NGFR: variants seen among roughly 807,000 people sequenced by gnomAD.
NGFR encodes the protein tumor necrosis factor receptor superfamily member 16.
NGFR carries 30 observed loss-of-function variants against 43.2 expected under a neutral mutation model. The observed-to-expected ratio is 0.69, with a 90% confidence interval of 0.52 to 0.94. The LOEUF is 0.94. Among genes scored for constraint, NGFR ranks in the 40% least tolerant of loss-of-function variants. The probability of loss-of-function intolerance (pLI) is 0.00; values close to 1 mark genes in which losing one functional copy is unlikely to be tolerated. For synonymous variants in NGFR, 246 were observed against 259.6 expected (o/e 0.95, Z 0.50); for missense variants, 529 against 602.5 (o/e 0.88, Z 1.28).
intron 2 of NGFR, among the ~76,000 whole-genome samples, chr17:49,504,872 A>G (rs561432905): frequency 1.3e-4 from 20 of 149,514 alleles, no homozygotes; most frequent in African/African-American, 4.9e-4. Flanking sequence ...CCCATGCTCA[A>G]GCAATCCTCC....
Position 49,495,500 on chromosome 17 carries a change from G to A in NGFR, c.66+17G>A. ...CTTCTGGGGGTGAGTGTTAGCCGGAGGGGGCCCGCTCCCTTTCCCGGGATC... is the reference window on the plus strand; with the variant it reads ...CTTCTGGGGGTGAGTGTTAGCCGGAAGGGGCCCGCTCCCTTTCCCGGGATC... On this transcript the variant is annotated intron_variant, in intron 1 of 5. Transcript: ENST00000172229. This position sits in a 1 kb window ranked among gnomAD's most constrained non-coding sequence, Gnocchi z 6.4. The A allele has an allele frequency of 1.6e-6, 2 of 1,234,580 alleles. No homozygotes were observed. The highest frequency in any genetic ancestry group is 2.0e-6 in the Non-Finnish European group (2 of 987,296). The allele number at this position is 1,234,580 out of a possible 1,614,324, so 76.5% of individuals were successfully genotyped here.
intron 3 of NGFR, 36 bp downstream of exon 3, chr17:49,506,694 G>GCCCC: frequency 1.1e-6 from 1 of 913,228 alleles, no homozygotes; most frequent in Non-Finnish European, 1.5e-6. Context: ...GAGTGGGGGT[G>GCCCC]CGGGGGTGGG....
intron 2 of NGFR, among the ~76,000 whole-genome samples, chr17:49,504,615 G>A (rs2071185237): frequency 6.6e-6 from 1 of 152,106 alleles, no homozygotes; most frequent in South Asian, 2.1e-4. Flanking sequence ...CAGCTTATAA[G>A]CGATGGAAAT....
Position 49,512,624 on chromosome 17 carries a change from C to T in NGFR, c.983-84C>T, listed in dbSNP as rs564888625. 3.0e-4 allele frequency: 441 copies of T among 1,476,356 alleles called. 5 individuals carry two copies. The South Asian group carries it at 5.6e-3, about 19-fold the overall frequency. The allele number at this position is 1,476,356 out of a possible 1,614,324, so 91.5% of individuals were successfully genotyped here. On this transcript the variant is annotated intron_variant, in intron 5 of 5. Transcript: ENST00000172229. The surrounding 1 kb of genome is among the most constrained non-coding windows in gnomAD (Gnocchi z 5.2). The stretch of plus-strand genomic sequence containing the variant: ...CAGATGGGGAGGAGCACTGCCTCGG[C>T]CCTTCTTGGGTCTCACCCCAGTGCC...
In NGFR at chr17:49,495,325, G is replaced by T. The variant is rs974336615; in HGVS notation, c.-93G>T. On this transcript the variant is annotated 5_prime_UTR_variant, in exon 1 of 6. Transcript: ENST00000172229. This position sits in a 1 kb window ranked among gnomAD's most constrained non-coding sequence, Gnocchi z 6.4. ...GCCGAGCCGCGGCCAGCTCCGGCGG[G>T]CAGGGGGGGCGCTGGAGCGCAGCGC... 1.2e-5 allele frequency: 13 copies of T among 1,044,436 alleles called. No homozygotes were observed. The highest frequency in any genetic ancestry group is 1.5e-5 in the Non-Finnish European group (12 of 818,490). 64.7% of individuals were successfully genotyped at this position (1,044,436 alleles called of 1,614,324 possible).
chr17:49,500,371 A>G (rs909198162), intron 1 of NGFR, among the ~76,000 whole-genome samples: 2 of 152,176 alleles, frequency 1.3e-5, no homozygotes, highest in Admixed American at 1.3e-4. Context: ...GCGTGTATGC[A>G]TTGTGTCCCT....
At position 49,513,125 on chromosome 17, in the gene NGFR, C is replaced by T. The variant is rs2071246397; in HGVS notation, c.*116C>T. ...GGGGCCCGCCTGGCAGAACTGAGCTCCTCTGGGCAGGACCTCAGAGTCCAG... is the reference window on the plus strand; with the variant it reads ...GGGGCCCGCCTGGCAGAACTGAGCTTCTCTGGGCAGGACCTCAGAGTCCAG... On this transcript the variant is annotated 3_prime_UTR_variant, in exon 6 of 6. Coordinates refer to ENST00000172229, the MANE Select transcript of NGFR (RefSeq NM_002507.4). 4.3e-6 allele frequency: 5 copies of T among 1,174,266 alleles called. No homozygotes were observed. The highest frequency in any genetic ancestry group is 5.8e-6 in the Non-Finnish European group (5 of 861,696). 72.7% of individuals were successfully genotyped at this position (1,174,266 alleles called of 1,614,324 possible). A position where few individuals can be genotyped will look rare whatever the true frequency, so the allele number is the denominator to read the frequency against.
intron 2 of NGFR, among the ~76,000 whole-genome samples, chr17:49,505,496 A>C (rs2071191328): frequency 6.6e-6 from 1 of 152,254 alleles, no homozygotes; most frequent in Non-Finnish European, 1.5e-5. Context: ...TCCAGTAATT[A>C]AGAAAACATG....
chr17:49,511,133 ATCAT>A (rs2071229807), intron 4 of NGFR: 6 of 153,074 alleles, frequency 3.9e-5, no homozygotes, highest in Admixed American at 3.2e-4. Context: ...AAAAAAAAAA[ATCAT>A]CAAAGTAACA....
At chr17:49,508,007 T>G (rs556790662) in intron 3 of NGFR, among the ~76,000 whole-genome samples, 3 of 152,206 alleles carry the variant, frequency 2.0e-5, no homozygotes, top group Admixed American at 6.5e-5. Flanking sequence ...AGTCCTGCCA[T>G]CTCTGGCTTT....
At chr17:49,505,450 G>A (rs1301090368) in intron 2 of NGFR, among the ~76,000 whole-genome samples, 6 of 152,200 alleles carry the variant, frequency 3.9e-5, no homozygotes, top group East Asian at 1.9e-4. Flanking sequence ...GGACCCTGGC[G>A]TGCCCAGCCT....
In NGFR at chr17:49,513,908, C is replaced by A. The variant is rs1804011; in HGVS notation, c.*899C>A. The stretch of plus-strand genomic sequence containing the variant: ...AGGGTGCTGCTTCCCTCTGCCTGTC[C>A]CTCTCAGGCATGCCTGTGTGACATC... On this transcript the variant is annotated 3_prime_UTR_variant, in exon 6 of 6. Transcript: ENST00000172229. The A allele has an allele frequency of 0.2, 30,236 of 152,346 alleles. 3,874 individuals are homozygous for A. The highest frequency in any genetic ancestry group is 0.36 in the South Asian group (1,729 of 4,822). 9.4% of individuals were successfully genotyped at this position (152,346 alleles called of 1,614,324 possible).
Position 49,495,549 on chromosome 17 carries a change from C to T in NGFR, c.66+66C>T. On this transcript the variant is annotated intron_variant, in intron 1 of 5. Transcript: ENST00000172229. This position sits in a 1 kb window ranked among gnomAD's most constrained non-coding sequence, Gnocchi z 6.4. ...TCAGAACTCCGAGAAGAGCCGGGCG[C>T]CGCCACCAAGGAAACAGAACAGAGC... 1 of 1,185,714 alleles carries T rather than the reference C, an allele frequency of 8.4e-7. No homozygotes were observed. Among genetic ancestry groups the T allele is most frequent in the Admixed American group, 4.2e-5 (1 of 23,640 alleles). The allele number at this position is 1,185,714 out of a possible 1,614,324, so 73.4% of individuals were successfully genotyped here. A position where few individuals can be genotyped will look rare whatever the true frequency, so the allele number is the denominator to read the frequency against.
rs184336397 is a variant in NGFR at position 49,514,261 on chromosome 17, C to T, written c.*1252C>T. 9.9e-4 allele frequency: 157 copies of T among 158,580 alleles called. 1 individual carries two copies. Among genetic ancestry groups the T allele is most frequent in the South Asian group, 3.3e-3 (16 of 4,878 alleles). The allele number at this position is 158,580 out of a possible 1,614,324, so 9.8% of individuals were successfully genotyped here. A position where few individuals can be genotyped will look rare whatever the true frequency, so the allele number is the denominator to read the frequency against. On this transcript the variant is annotated 3_prime_UTR_variant, in exon 6 of 6. Transcript: ENST00000172229. ...TGGCGTCTGTCTTCAAGGGCTTACACGTGGAGGAATGCTCCCCCATCCTCC... is the reference window on the plus strand; with the variant it reads ...TGGCGTCTGTCTTCAAGGGCTTACATGTGGAGGAATGCTCCCCCATCCTCC...
At position 49,510,553 on chromosome 17, in the gene NGFR, G is replaced by A. The variant is rs754627046; in HGVS notation, c.710G>A (p.Gly237Asp). ...GCAGGTGTGGTGACCACAGTGATGG[G>A]CAGCTCCCAGCCCGTGGTGACCCGA... ...TVAGVVTTVM[G>D]SSQPVVTRGT... Residue 237 changes from glycine (G) to aspartate (D), a missense_variant, in exon 4 of 6, where the codon GGC becomes GAC. By Grantham distance (94) the Gly-to-Asp change is moderately conservative. Coordinates refer to ENST00000172229, the MANE Select transcript of NGFR (RefSeq NM_002507.4). The A allele has an allele frequency of 6.2e-7, 1 of 1,614,082 alleles. No individual in the cohort carries two copies. Among genetic ancestry groups the A allele is most frequent in the South Asian group, 1.1e-5 (1 of 91,080 alleles).
intron 1 of NGFR, among the ~76,000 whole-genome samples, chr17:49,500,285 C>T (rs1231083082): frequency 6.6e-6 from 1 of 152,170 alleles, no homozygotes; most frequent in Non-Finnish European, 1.5e-5. Context: ...TCTGGAATCT[C>T]GGCTAACCAA....
At chr17:49,500,114 A>G (rs1272442661) in intron 1 of NGFR, among the ~76,000 whole-genome samples, 9 of 152,162 alleles carry the variant, frequency 5.9e-5, no homozygotes, top group Admixed American at 5.2e-4. Flanking sequence ...AATTTGGGAA[A>G]AGAACAAAAG....
In NGFR at chr17:49,508,600, A is replaced by G. The variant is rs2071213187; in HGVS notation, c.569-1812A>G. 3.3e-5 allele frequency among the ~76,000 whole-genome samples: 5 copies of G among 152,188 alleles called. No individual in the cohort carries two copies. In the South Asian group the frequency reaches 1.0e-3, roughly 31 times the overall value. On this transcript the variant is annotated intron_variant, in intron 3 of 5. Transcript: ENST00000172229. The stretch of plus-strand genomic sequence containing the variant: ...TCAACATGGTGACTCACCCACCCTC[A>G]GGGCAGAAGGGCTACCCGCTGCCCC...
intron 2 of NGFR, among the ~76,000 whole-genome samples, chr17:49,503,557 C>T (rs1318672673): frequency 1.3e-5 from 2 of 152,154 alleles, no homozygotes; most frequent in African/African-American, 4.8e-5. Context: ...TCTGGATGTC[C>T]CCCCTGAGTC....
Sources: gnomAD v4.1 joint callset for allele counts (sites outside exome capture counted in the v4.1 genomes callset) on GRCh38, gnomAD v4.1.1 for gene constraint, Gnocchi (gnomAD v3.1) non-coding constraint, MANE v1.5 for transcripts, NCBI Gene and HGNC (gene_info 2026-07-23, HGNC 2026-07-21) for gene names.